SOHLH2: variants seen among roughly 807,000 people sequenced by gnomAD.
SOHLH2 encodes spermatogenesis- and oogenesis-specific basic helix-loop-helix-containing protein 2.
SOHLH2 carries 22 observed loss-of-function variants against 50.4 expected under a neutral mutation model. The observed-to-expected ratio is 0.44, with a 90% CI of 0.31 to 0.62. The LOEUF is 0.62. SOHLH2 is among the 20% of genes least tolerant of loss of function. The pLI is 0.08. For synonymous variants in SOHLH2, 185 were observed against 187.3 expected (o/e 0.99, Z 0.10); for missense variants, 412 against 504.4 (o/e 0.82, Z 1.76).
chr13:36,187,032 T>C (rs557572878), intron 6 of SOHLH2, among the ~76,000 whole-genome samples: 1 of 152,246 alleles, frequency 6.6e-6, no homozygotes, highest in African/African-American at 2.4e-5. Context: ...GGATGGTGTT[T>C]ACCTCCTGGG....
In SOHLH2 at chr13:36,184,331, TTGA is replaced by T. The variant is rs1009292104; in HGVS notation, c.641+5612_641+5614del. Among the ~76,000 whole-genome samples the T allele has an allele frequency of 9.9e-5, 15 of 152,172 alleles. 1 individual carries two copies. Among genetic ancestry groups the T allele is most frequent in the African/African-American group, 3.4e-4 (14 of 41,534 alleles). On this transcript the variant is annotated intron_variant, in intron 6 of 10. Coordinates refer to ENST00000379881, the MANE Select transcript of SOHLH2 (RefSeq NM_017826.3). ...GAATGATAGTGGAAATATATCAAAGTTGATGAGATGCAGCTGAAGCAATGCTTA... is the reference window on the plus strand; with the variant it reads ...GAATGATAGTGGAAATATATCAAAGTTGAGATGCAGCTGAAGCAATGCTTA...
At chr13:36,183,188 C>T (rs1477786851) in intron 6 of SOHLH2, 1 of 363,588 alleles carries the variant, frequency 2.8e-6, no homozygotes, top group Non-Finnish European at 6.0e-6. Context: ...TGCTATGCTT[C>T]CTGTACAGCC....
rs533735676 is a variant in SOHLH2, at chr13:36,177,737, T to C, written c.642-2868A>G. ...CCTTTGTCAAGCGTCCATGCAGATATTTTACCTACATTTTAATTGAATTGC... is the reference window on the plus strand; with the variant it reads ...CCTTTGTCAAGCGTCCATGCAGATACTTTACCTACATTTTAATTGAATTGC... On this transcript the variant is annotated intron_variant, in intron 6 of 10. Coordinates refer to ENST00000379881, the MANE Select transcript of SOHLH2 (RefSeq NM_017826.3). Among the ~76,000 whole-genome samples, 5 of 152,266 alleles carry C rather than the reference T, an allele frequency of 3.3e-5. No individual in the cohort carries two copies. In the South Asian group the frequency reaches 1.0e-3, roughly 32 times the overall value.
At chr13:36,180,759 T>C (rs1887232530) in intron 6 of SOHLH2, among the ~76,000 whole-genome samples, 1 of 152,138 alleles carries the variant, frequency 6.6e-6, no homozygotes, top group Non-Finnish European at 1.5e-5. Context: ...TCAACTCTTT[T>C]GAATGTTTTG....
At chr13:36,213,256 A>G (rs1168221061) in intron 1 of SOHLH2, among the ~76,000 whole-genome samples, 1 of 152,206 alleles carries the variant, frequency 6.6e-6, no homozygotes, top group African/African-American at 2.4e-5. Context: ...TTTCATTCAG[A>G]ATTCATTTTG....
At chr13:36,171,587 G>A (rs1199327351) in intron 9 of SOHLH2, among the ~76,000 whole-genome samples, 1 of 152,068 alleles carries the variant, frequency 6.6e-6, no homozygotes, top group Non-Finnish European at 1.5e-5. Context: ...ATACATTCAC[G>A]TTCTCTGTTC....
intron 6 of SOHLH2, among the ~76,000 whole-genome samples, chr13:36,178,202 A>C: frequency 6.6e-6 from 1 of 152,158 alleles, no homozygotes; most frequent in South Asian, 2.1e-4. Context: ...AATTTTTAAC[A>C]CAGCAGAAGA....
chr13:36,209,431 CAG>C (rs1868977039), intron 1 of SOHLH2, among the ~76,000 whole-genome samples: 1 of 151,864 alleles, frequency 6.6e-6, no homozygotes, highest in South Asian at 2.1e-4. Flanking sequence ...TTTCTCAGCT[CAG>C]AGGTTGGGAA....
At chr13:36,199,451 G>C (rs1458446180) in intron 2 of SOHLH2, among the ~76,000 whole-genome samples, 1 of 152,226 alleles carries the variant, frequency 6.6e-6, no homozygotes, top group African/African-American at 2.4e-5. Context: ...CAGCAAGGCA[G>C]ATAACACCTG....
At chr13:36,196,097 A>AAGATAGAT (rs35207535) in intron 2 of SOHLH2, among the ~76,000 whole-genome samples, 2,381 of 145,684 alleles carry the variant, frequency 0.016, 61 homozygotes, top group African/African-American at 0.051. Context: ...GACAGACAGA[A>AAGATAGAT]AGATAGATAG....
intron 2 of SOHLH2, among the ~76,000 whole-genome samples, chr13:36,198,064 C>T (rs1887785369): frequency 6.6e-6 from 1 of 152,148 alleles, no homozygotes; most frequent in South Asian, 2.1e-4. Context: ...ATCTCCGTGG[C>T]TCACAAGATT....
chr13:36,191,934 A>G (rs767841731), intron 4 of SOHLH2, 40 bp from the exon 5 acceptor site: 1 of 1,608,912 alleles, frequency 6.2e-7, no homozygotes, highest in Non-Finnish European at 8.5e-7. Flanking sequence ...TTCTGAAGTC[A>G]CTTAAGGAGA....
At chr13:36,211,283 TA>T (rs957899674) in intron 1 of SOHLH2, among the ~76,000 whole-genome samples, 10 of 152,242 alleles carry the variant, frequency 6.6e-5, no homozygotes, top group African/African-American at 2.2e-4. Context: ...ATATAGTTTG[TA>T]AAACTTTCTA....
In SOHLH2 at chr13:36,200,521, G is replaced by A. The variant is rs537683972; in HGVS notation, c.263+1358C>T. On this transcript the variant is annotated intron_variant, in intron 2 of 10. Coordinates refer to ENST00000379881, the MANE Select transcript of SOHLH2 (RefSeq NM_017826.3). Reference sequence around the variant, plus strand: ...TACTTTGCTTGCCTGTTTATTCAGGGATCAAAATATTGTCTCTGAATTTTT... The same window carrying A: ...TACTTTGCTTGCCTGTTTATTCAGGAATCAAAATATTGTCTCTGAATTTTT... 7.2e-5 allele frequency among the ~76,000 whole-genome samples: 11 copies of A among 152,190 alleles called. No homozygotes were observed. The South Asian group carries it at 2.1e-3, about 29-fold the overall frequency.
chr13:36,193,300 G>C (rs1046883369), intron 4 of SOHLH2, among the ~76,000 whole-genome samples: 4 of 152,196 alleles, frequency 2.6e-5, no homozygotes, highest in African/African-American at 9.6e-5. Flanking sequence ...CTGGCTTTTA[G>C]ATAATCACAC....
intron 6 of SOHLH2, among the ~76,000 whole-genome samples, chr13:36,185,013 C>T (rs960910267): frequency 6.6e-6 from 1 of 152,076 alleles, no homozygotes; most frequent in African/African-American, 2.4e-5. Context: ...TGAGTGAGAC[C>T]ATGCGGTATT....
intron 9 of SOHLH2, among the ~76,000 whole-genome samples, chr13:36,172,175 G>A (rs771641835): frequency 4.6e-5 from 7 of 152,132 alleles, no homozygotes; most frequent in Non-Finnish European, 7.4e-5. Flanking sequence ...TTGAAATGCT[G>A]GGGCATAGAA....
chr13:36,176,435 T>C (rs1475888270), intron 6 of SOHLH2, among the ~76,000 whole-genome samples: 1 of 152,218 alleles, frequency 6.6e-6, no homozygotes, highest in Admixed American at 6.5e-5. Context: ...CTTAAGAGTC[T>C]ACAGTTAACA....
chr13:36,214,486 G>A lies in SOHLH2; in HGVS notation c.41C>T (p.Ser14Leu), dbSNP rs12873478. The A allele has an allele frequency of 1.2e-6, 2 of 1,612,856 alleles. No homozygotes were observed. The highest frequency in any genetic ancestry group is 1.7e-6 in the Non-Finnish European group (2 of 1,179,520). ...CCTTCCACAGCCTCTTACCTGGCCC[G>A]AGATCTGGCAGTGCTCCTGGCAGAT... ...SIICQEHCQI[S>L]GQAKIDILLV... Residue 14 changes from serine (S) to leucine (L), a missense_variant, in exon 1 of 11, where the codon TCG becomes TTG. Ser to Leu is a moderately radical substitution (Grantham distance 145). Transcript: ENST00000379881.
Sources: gnomAD v4.1 joint callset for allele counts (sites outside exome capture counted in the v4.1 genomes callset) on GRCh38, gnomAD v4.1.1 for gene constraint, MANE v1.5 for transcripts, NCBI Gene and HGNC (gene_info 2026-07-23, HGNC 2026-07-21) for gene names.